Variants in CAPN9 observed in about 807,000 individuals in gnomAD.
The protein encoded by CAPN9 is calpain 9.
A neutral mutation model predicts 92.8 loss-of-function variants in CAPN9; 81 were observed. The ratio of observed to expected loss-of-function variants is 0.87; its 90% CI spans 0.73 to 1.05. CAPN9 has a LOEUF of 1.05. Among genes scored for constraint, CAPN9 ranks in the 50% least tolerant of loss-of-function variants. The pLI, the probability that CAPN9 is intolerant of heterozygous loss-of-function variation, is 0.00. For missense variants in CAPN9, 848 were observed against 866.2 expected, an observed-to-expected ratio of 0.98 and a Z score of 0.26; for synonymous variants, 304 against 328.0, an observed-to-expected ratio of 0.93 and a Z score of 0.79.
At chr1:230,765,514 C>T (rs1665931043) in intron 4 of CAPN9, among the ~76,000 whole-genome samples, 1 of 151,998 alleles carries the variant, frequency 6.6e-6, no homozygotes, top group Non-Finnish European at 1.5e-5. Flanking sequence ...CACAAATTAG[C>T]CAGGCATGGT....
intron 19 of CAPN9, among the ~76,000 whole-genome samples, chr1:230,800,927 G>T (rs1415452372): frequency 1.3e-5 from 2 of 152,128 alleles, no homozygotes; most frequent in Admixed American, 6.5e-5. Flanking sequence ...TCCTAAAAAG[G>T]CCTGTGCACC....
chr1:230,774,456 T>A, intron 7 of CAPN9, 98 bp from the exon 8 acceptor site: 1 of 833,058 alleles, frequency 1.2e-6, no homozygotes, highest in South Asian at 1.4e-5. Flanking sequence ...TAAGCAGGTC[T>A]TATTTCCTCC....
intron 3 of CAPN9, among the ~76,000 whole-genome samples, chr1:230,760,089 G>A (rs764888693): frequency 6.6e-6 from 1 of 152,068 alleles, no homozygotes. Context: ...CTGGAGTCCC[G>A]TGTGACCCGC....
chr1:230,773,747 A>C (rs114343399), intron 7 of CAPN9, among the ~76,000 whole-genome samples: 2 of 152,118 alleles, frequency 1.3e-5, no homozygotes, highest in Non-Finnish European at 2.9e-5. Flanking sequence ...GCACCTGGAG[A>C]CAGGTCCCGG....
chr1:230,795,849 T>C (rs1464549372), intron 18 of CAPN9, among the ~76,000 whole-genome samples: 2 of 152,114 alleles, frequency 1.3e-5, no homozygotes, highest in African/African-American at 4.8e-5. Context: ...ACATGCCCTG[T>C]GTGCAGGTGC....
At chr1:230,786,176 T>G in intron 12 of CAPN9, 159 bp downstream of exon 12, 2 of 985,374 alleles carry the variant, frequency 2.0e-6, no homozygotes, top group Non-Finnish European at 2.4e-6. Context: ...CCAAGATGTG[T>G]GTGTTCTAGT....
chr1:230,788,115 AG>A (rs1327200893), intron 13 of CAPN9, among the ~76,000 whole-genome samples: 1 of 152,154 alleles, frequency 6.6e-6, no homozygotes, highest in East Asian at 1.9e-4. Flanking sequence ...AGCCTCCCAA[AG>A]TGCTGGGATT....
rs1288742135 is a variant in CAPN9 at position 230,751,560 on chromosome 1, GAGAA to G, written c.214-3764_214-3761del. Among the ~76,000 whole-genome samples, 60 of 136,894 alleles carry G rather than the reference GAGAA, an allele frequency of 4.4e-4. 2 individuals are homozygous for G. The highest frequency in any genetic ancestry group is 2.4e-3 in the South Asian group (10 of 4,218). The allele number at this position is 136,894 out of a possible 152,430, so 89.8% of individuals were successfully genotyped here. ...AAGATAGAAAAAAAGAAAGGAAGAAGAGAAAGAAAGAAAGAAGAAAGAAACAAAG... is the reference window on the plus strand; with the variant it reads ...AAGATAGAAAAAAAGAAAGGAAGAAGAGAAAGAAAGAAGAAAGAAACAAAG... On this transcript the variant is annotated intron_variant, in intron 1 of 19. Coordinates refer to ENST00000271971, the MANE Select transcript of CAPN9 (RefSeq NM_006615.3).
In CAPN9 at chr1:230,775,839, C is replaced by A. The variant is rs147022309; in HGVS notation, c.953+1208C>A. ...GGCTGAGGCAGGAGAATGGCGTGAA[C>A]CCAGGAGGTGGAGCTTGCAGTGAGC... On this transcript the variant is annotated intron_variant, in intron 8 of 19. Coordinates refer to ENST00000271971, the MANE Select transcript of CAPN9 (RefSeq NM_006615.3). 6.5e-3 allele frequency among the ~76,000 whole-genome samples: 988 copies of A among 151,444 alleles called. 13 individuals carry two copies. The highest frequency in any genetic ancestry group is 0.023 in the African/African-American group (939 of 41,214).
chr1:230,796,512 AGAGC>A (rs924066156), intron 18 of CAPN9, among the ~76,000 whole-genome samples: 4 of 152,118 alleles, frequency 2.6e-5, no homozygotes, highest in African/African-American at 9.7e-5. Flanking sequence ...AAGCTCCAGG[AGAGC>A]CGTAATTTCT....
At chr1:230,785,607 A>C (rs563675602) in intron 11 of CAPN9, among the ~76,000 whole-genome samples, 123 of 152,198 alleles carry the variant, frequency 8.1e-4, no homozygotes, top group African/African-American at 2.9e-3. Context: ...TTCTGCAATA[A>C]TTGTAAGTTT....
rs763772832 is a variant in CAPN9 at position 230,747,648 on chromosome 1, G to A, written c.152G>A (p.Ser51Asn). ...TLFEDADFPA[S>N]NSSLFYSERP... Reference sequence around the variant, plus strand: ...TTTGAGGATGCAGACTTCCCAGCCAGCAATTCCTCCCTGTTCTACAGTGAG... The same window carrying A: ...TTTGAGGATGCAGACTTCCCAGCCAACAATTCCTCCCTGTTCTACAGTGAG... The change falls in exon 1 of 20, where the codon AGC (serine) becomes AAC (asparagine). Residue 51 changes from serine (S) to asparagine (N), a missense_variant. Physicochemically the swap from Ser to Asn is conservative, Grantham distance 46 (BLOSUM62 1). Coordinates refer to ENST00000271971, the MANE Select transcript of CAPN9 (RefSeq NM_006615.3). 16 of 1,614,070 alleles carry A rather than the reference G, an allele frequency of 9.9e-6. No individual in the cohort carries two copies. The South Asian group carries it at 1.8e-4, about 18-fold the overall frequency.
At chr1:230,767,142 G>C (rs1307202399) in intron 4 of CAPN9, among the ~76,000 whole-genome samples, 1 of 152,196 alleles carries the variant, frequency 6.6e-6, no homozygotes, top group Non-Finnish European at 1.5e-5. Context: ...GGAGGTTAGA[G>C]AGTGAGACAC....
chr1:230,797,222 A>G (rs1175300929), intron 18 of CAPN9, among the ~76,000 whole-genome samples: 1 of 152,068 alleles, frequency 6.6e-6, no homozygotes, highest in East Asian at 1.9e-4. Context: ...AACAATTACC[A>G]TCTTGCTAAC....
At chr1:230,795,434 G>T (rs1245389371) in intron 18 of CAPN9, 155 bp downstream of exon 18, 2 of 580,764 alleles carry the variant, frequency 3.4e-6, no homozygotes, top group Non-Finnish European at 3.1e-6. Flanking sequence ...TGTGCGGTTA[G>T]CTAAGGAGCA....
At chr1:230,767,751 G>A in intron 5 of CAPN9, 42 bp downstream of exon 5, 2 of 1,561,042 alleles carry the variant, frequency 1.3e-6, no homozygotes, top group South Asian at 2.3e-5. Context: ...CTATGCTGGG[G>A]CTGCATAGTG....
chr1:230,750,975 G>A (rs551628736), intron 1 of CAPN9, among the ~76,000 whole-genome samples: 5 of 152,144 alleles, frequency 3.3e-5, no homozygotes, highest in Middle Eastern at 3.2e-3. Flanking sequence ...AGGGAGTATC[G>A]GGTGAGGTCT....
rs139326872 is a variant in CAPN9 at position 230,787,594 on chromosome 1, G to A, written c.1591G>A (p.Ala531Thr). ...GTTTCGGGCTCTGTTTGAACAAGTC[G>A]CTGGTGAGGTAGGACATGCCCCACT... ...QRFRALFEQV[A>T]GEDMEVTAEE... Residue 531 changes from alanine to threonine, a missense_variant, in exon 13 of 20, where the codon GCT becomes ACT. Coordinates refer to ENST00000271971, the MANE Select transcript of CAPN9 (RefSeq NM_006615.3). 130 of 1,613,690 alleles carry A rather than the reference G, an allele frequency of 8.1e-5. No homozygotes were observed. The highest frequency in any genetic ancestry group is 6.6e-4 in the Middle Eastern group (4 of 6,038).
intron 9 of CAPN9, 52 bp from the exon 10 acceptor site, chr1:230,780,122 GGTCTT>G: frequency 4.3e-6 from 4 of 935,086 alleles, no homozygotes; most frequent in African/African-American, 1.7e-5. Context: ...GTGTGTGTGT[GGTCTT>G]TGTGGGTTGT....
Sources: gnomAD v4.1 joint callset for allele counts (sites outside exome capture counted in the v4.1 genomes callset) on GRCh38, gnomAD v4.1.1 for gene constraint, MANE v1.5 for transcripts, NCBI Gene and HGNC (gene_info 2026-07-23, HGNC 2026-07-21) for gene names.